Variants in CNTLN observed in about 807,000 individuals in gnomAD.
CNTLN encodes centlein, centrosomal protein.
A neutral mutation model predicts 180.0 loss-of-function variants in CNTLN; 212 were observed. That is an observed-to-expected ratio of 1.18 (90% CI 1.05 to 1.32). CNTLN has a LOEUF of 1.32. Among genes scored for constraint, CNTLN ranks in the 40% most tolerant of loss-of-function variants. The pLI is 0.00. For synonymous variants in CNTLN, 722 were observed against 563.1 expected (o/e 1.28, Z -3.99); for missense variants, 2,095 against 1,610.9 (o/e 1.30, Z -5.14).
chr9:17,263,862 T>A (rs1238206480), intron 5 of CNTLN, among the ~76,000 whole-genome samples: 49 of 140,344 alleles, frequency 3.5e-4, no homozygotes, highest in Middle Eastern at 3.4e-3. Context: ...TGTCTGTTCA[T>A]ATCCTTCGCC....
At chr9:17,472,107 T>C (rs1192451632) in intron 23 of CNTLN, among the ~76,000 whole-genome samples, 1 of 152,108 alleles carries the variant, frequency 6.6e-6, no homozygotes, top group East Asian at 1.9e-4. Flanking sequence ...AATCAATGCA[T>C]TGGAATTGAA....
intron 2 of CNTLN, among the ~76,000 whole-genome samples, chr9:17,224,637 T>G (rs906032658): frequency 1.2e-4 from 19 of 152,040 alleles, no homozygotes; most frequent in Admixed American, 5.9e-4. Context: ...GTTTTGAGCT[T>G]AGTCCATTTA....
intron 8 of CNTLN, among the ~76,000 whole-genome samples, chr9:17,316,289 C>G (rs1391914001): frequency 1.3e-5 from 2 of 151,928 alleles, no homozygotes. Flanking sequence ...CATGTTGTAT[C>G]GTTTTCCATA....
At chr9:17,377,128 T>C (rs1824839413) in intron 13 of CNTLN, among the ~76,000 whole-genome samples, 1 of 152,238 alleles carries the variant, frequency 6.6e-6, no homozygotes, top group Non-Finnish European at 1.5e-5. Context: ...ACAAGAATAA[T>C]TTCCTCAGCT....
At chr9:17,483,883 A>T (rs950020999) in intron 23 of CNTLN, among the ~76,000 whole-genome samples, 2 of 152,204 alleles carry the variant, frequency 1.3e-5, no homozygotes, top group Non-Finnish European at 2.9e-5. Flanking sequence ...TCATTGGTTT[A>T]TGTAACCATT....
At chr9:17,167,752 G>A (rs1409469827) in intron 2 of CNTLN, 1 of 152,150 alleles carries the variant, frequency 6.6e-6, no homozygotes, top group African/African-American at 2.4e-5. Context: ...AGTTATATAT[G>A]AAAGGAAGTG....
chr9:17,383,679 C>A (rs1825445006), intron 13 of CNTLN, among the ~76,000 whole-genome samples: 1 of 151,456 alleles, frequency 6.6e-6, no homozygotes, highest in African/African-American at 2.4e-5. Context: ...GTTCTGTCAC[C>A]CAGGCTGGAG....
At chr9:17,204,527 C>T (rs1008203576) in intron 2 of CNTLN, among the ~76,000 whole-genome samples, 1 of 152,148 alleles carries the variant, frequency 6.6e-6, no homozygotes, top group African/African-American at 2.4e-5. Flanking sequence ...TGATTGCTGC[C>T]TGCTCTTTCC....
chr9:17,285,001 A>AT (rs61284504), intron 6 of CNTLN, among the ~76,000 whole-genome samples: 4,461 of 144,720 alleles, frequency 0.031, 147 homozygotes, highest in African/African-American at 0.087. Context: ...TTCTGCCTTA[A>AT]TTTTTTTTTT....
At position 17,359,765 on chromosome 9, in the gene CNTLN, T is replaced by C. The variant is rs1361242768; in HGVS notation, c.1887-6852T>C. Among the ~76,000 whole-genome samples the C allele has an allele frequency of 1.2e-4, 6 of 51,268 alleles. No individual in the cohort carries two copies. In the Admixed American group the frequency reaches 1.4e-3, roughly 12 times the overall value. The allele number at this position is 51,268 out of a possible 152,430, so 33.6% of individuals were successfully genotyped here. A position where few individuals can be genotyped will look rare whatever the true frequency, so the allele number is the denominator to read the frequency against. On this transcript the variant is annotated intron_variant, in intron 12 of 25. Coordinates refer to ENST00000380647, the MANE Select transcript of CNTLN (RefSeq NM_017738.4). ...AAAAAAAAAAACTAGCTGGGTGTAG[T>C]GGCGGGCGCCTGTAGTCCCAGCTAC...
At chr9:17,374,241 A>G (rs962705816) in intron 13 of CNTLN, among the ~76,000 whole-genome samples, 1 of 152,194 alleles carries the variant, frequency 6.6e-6, no homozygotes, top group Non-Finnish European at 1.5e-5. Context: ...TAACCAGAAT[A>G]TATAAGCAGC....
chr9:17,243,063 A>G (rs966113934), intron 5 of CNTLN, among the ~76,000 whole-genome samples: 1 of 152,140 alleles, frequency 6.6e-6, no homozygotes, highest in Non-Finnish European at 1.5e-5. Flanking sequence ...CTGTCTTAGT[A>G]GGTTGTATGT....
intron 2 of CNTLN, among the ~76,000 whole-genome samples, chr9:17,165,759 G>A (rs1243918090): frequency 6.6e-6 from 1 of 152,180 alleles, no homozygotes; most frequent in Non-Finnish European, 1.5e-5. Flanking sequence ...TGAACAGTGG[G>A]ACACTAACTG....
chr9:17,474,390 A>G (rs1832215805), intron 23 of CNTLN, among the ~76,000 whole-genome samples: 2 of 151,944 alleles, frequency 1.3e-5, no homozygotes, highest in South Asian at 4.2e-4. Context: ...CCTTTCTCTC[A>G]TGTTGCATTT....
At chr9:17,348,457 A>G (rs1385823828) in intron 12 of CNTLN, among the ~76,000 whole-genome samples, 3 of 151,728 alleles carry the variant, frequency 2.0e-5, no homozygotes, top group Non-Finnish European at 4.4e-5. Context: ...TTGCATCGAG[A>G]GAGTTTGAAG....
intron 13 of CNTLN, among the ~76,000 whole-genome samples, chr9:17,373,530 A>G (rs1157861978): frequency 6.6e-6 from 1 of 152,152 alleles, no homozygotes; most frequent in Admixed American, 6.5e-5. Flanking sequence ...AATTGTTAAC[A>G]ATATTGTTAA....
At chr9:17,450,357 C>A (rs1407736799) in intron 18 of CNTLN, among the ~76,000 whole-genome samples, 2 of 152,046 alleles carry the variant, frequency 1.3e-5, no homozygotes, top group African/African-American at 4.8e-5. Context: ...TAGGAAGATT[C>A]ACCTCAATAA....
chr9:17,462,141 TTTC>T (rs576584251), intron 19 of CNTLN, among the ~76,000 whole-genome samples: 56 of 151,804 alleles, frequency 3.7e-4, no homozygotes, highest in Non-Finnish European at 7.2e-4. Context: ...CAGTTTATTA[TTTC>T]TTAAGATTTT....
chr9:17,463,632 A>C (rs891850589), intron 20 of CNTLN, among the ~76,000 whole-genome samples: 3 of 151,636 alleles, frequency 2.0e-5, no homozygotes, highest in East Asian at 1.9e-4. Context: ...AGTGAAGAGC[A>C]CTTAAAAGTG....
Sources: allele counts gnomAD v4.1 joint callset (sites outside exome capture counted in the v4.1 genomes callset), GRCh38; gene constraint gnomAD v4.1.1; transcripts MANE v1.5; gene names NCBI Gene and HGNC (gene_info 2026-07-23, HGNC 2026-07-21).